The following MRPL49 variants were observed in gnomAD, a reference collection of about 807,000 sequenced individuals.
MRPL49 encodes mitochondrial ribosomal protein L49.
Under a neutral mutation model 18.4 loss-of-function variants are expected in MRPL49, and 14 were observed. That is an observed-to-expected ratio of 0.76 (90% CI 0.50 to 1.19). The LOEUF (loss-of-function observed/expected upper bound fraction) is 1.19. MRPL49 is among the 50% of genes most tolerant of loss of function. The pLI is 0.00. For synonymous variants in MRPL49, 104 were observed against 86.2 expected (o/e 1.21, Z -1.14); for missense variants, 190 against 217.8 (o/e 0.87, Z 0.80).
In MRPL49 at chr11:65,124,657, G is replaced by A. The variant is rs1345805722; in HGVS notation, c.229+5G>A. 1.9e-6 allele frequency: 3 copies of A among 1,613,558 alleles called. No individual in the cohort carries two copies. Among genetic ancestry groups the A allele is most frequent in the African/African-American group, 1.3e-5 (1 of 74,900 alleles). On this transcript the variant is annotated splice_donor_5th_base_variant and intron_variant, in intron 2 of 3. Transcript: ENST00000279242. ...GTGGCTGGCAGCCTCCCAGAGGTGA[G>A]CTGGGTGGTTAGGGATGATTTGAAA...
rs868302327 is a variant in MRPL49, at chr11:65,127,288, C to T, written c.*1416C>T. 2.2e-6 allele frequency: 1 copy of T among 457,562 alleles called. No homozygotes were observed. Among genetic ancestry groups the T allele is most frequent in the Non-Finnish European group, 3.9e-6 (1 of 259,212 alleles). 28.3% of individuals were successfully genotyped at this position (457,562 alleles called of 1,614,324 possible). A position where few individuals can be genotyped will look rare whatever the true frequency, so the allele number is the denominator to read the frequency against. On this transcript the variant is annotated 3_prime_UTR_variant, in exon 4 of 4. Transcript: ENST00000279242. ...ACACAAACCCCACCAATTGTTAATG[C>T]AAGTTTTTATTTGGCTGTATATACA...
chr11:65,126,888 G>C lies in MRPL49; in HGVS notation c.*1016G>C. The stretch of plus-strand genomic sequence containing the variant: ...TCTGACCTGCAATCAAGGCTGGGGA[G>C]GGGTTTGCAGGCAGGAATATGCTGA... On this transcript the variant is annotated 3_prime_UTR_variant, in exon 4 of 4. Coordinates refer to ENST00000279242, the MANE Select transcript of MRPL49 (RefSeq NM_004927.4). The C allele has an allele frequency of 3.3e-6, 2 of 597,406 alleles. No individual in the cohort carries two copies. Among genetic ancestry groups the C allele is most frequent in the Non-Finnish European group, 6.0e-6 (2 of 332,826 alleles). The allele number at this position is 597,406 out of a possible 1,614,324, so 37.0% of individuals were successfully genotyped here. A position where few individuals can be genotyped will look rare whatever the true frequency, so the allele number is the denominator to read the frequency against.
rs200744689 is a variant in MRPL49, at chr11:65,125,581, C to G, written c.323C>G (p.Thr108Ser). ...KDITHGNRQM[T>S]VIRKVEGDIW... ...ATCACGCATGGCAACCGGCAGATGA[C>G]TGTGATCCGGAAAGTGGAAGGGGAC... Residue 108 changes from threonine (T) to serine (S), a missense_variant, in exon 3 of 4, where the codon ACT becomes AGT. Physicochemically the swap from Thr to Ser is moderately conservative, Grantham distance 58. Transcript: ENST00000279242. 4 of 1,604,886 alleles carry G rather than the reference C, an allele frequency of 2.5e-6. No individual in the cohort carries two copies. The highest frequency in any genetic ancestry group is 3.4e-6 in the Non-Finnish European group (4 of 1,175,458).
Position 65,122,376 on chromosome 11 carries a change from G to T in MRPL49, c.30G>T (p.Leu10=), listed in dbSNP as rs200136221. Residue 10 remains leucine, a synonymous_variant, in exon 1 of 4, where the codon CTG becomes CTT. Coordinates refer to ENST00000279242, the MANE Select transcript of MRPL49 (RefSeq NM_004927.4). MAATMFRAT[L]RGWRTGVQRG... is the part of the protein sequence containing the mutation. Reference sequence around the variant, plus strand: ...CAGCTACCATGTTCCGGGCTACGCTGCGGGGATGGAGAACCGGTGTCCAGC... The same window carrying T: ...CAGCTACCATGTTCCGGGCTACGCTTCGGGGATGGAGAACCGGTGTCCAGC... 1.9e-6 allele frequency: 3 copies of T among 1,613,308 alleles called. No homozygotes were observed. In the East Asian group the frequency reaches 6.7e-5, roughly 36 times the overall value.
At position 65,126,018 on chromosome 11, in the gene MRPL49, T is replaced by A; in HGVS notation, c.*146T>A. ...ACTTTGGGGTCAGGCCTTGCTTGCA[T>A]AAAGGAGAAAACAACTCTATGTACA... On this transcript the variant is annotated 3_prime_UTR_variant, in exon 4 of 4. Transcript: ENST00000279242. 2.1e-6 allele frequency: 2 copies of A among 937,904 alleles called. No homozygotes were observed. The highest frequency in any genetic ancestry group is 3.1e-6 in the Non-Finnish European group (2 of 642,702). The allele number at this position is 937,904 out of a possible 1,614,324, so 58.1% of individuals were successfully genotyped here. A position where few individuals can be genotyped will look rare whatever the true frequency, so the allele number is the denominator to read the frequency against.
At chr11:65,123,080 G>T (rs1948069217) in intron 1 of MRPL49, among the ~76,000 whole-genome samples, 1 of 152,156 alleles carries the variant, frequency 6.6e-6, no homozygotes, top group Non-Finnish European at 1.5e-5. Flanking sequence ...TCACAGATGT[G>T]ATTAGGTTAG....
intron 1 of MRPL49, among the ~76,000 whole-genome samples, chr11:65,122,815 A>G (rs961970534): frequency 1.3e-5 from 2 of 149,822 alleles, no homozygotes; most frequent in African/African-American, 4.9e-5. Flanking sequence ...CGCCTCCCAG[A>G]TTCACGCCAT....
rs1364850900 is a variant in MRPL49, at chr11:65,125,501, C to T, written c.243C>T (p.Asn81=). 6.8e-6 allele frequency: 11 copies of T among 1,613,732 alleles called. No homozygotes were observed. The highest frequency in any genetic ancestry group is 9.3e-6 in the Non-Finnish European group (11 of 1,179,928). The change falls in exon 3 of 4, where the codon AAC becomes AAT. Residue 81 remains asparagine (N), a synonymous_variant. Transcript: ENST00000279242. The stretch of plus-strand genomic sequence containing the variant: ...TCCCTGTTGCAGACCCCCCACCCAA[C>T]CTGCCTTACTTTGTACGACGCTCTC... ...GWQPPRDPPP[N]LPYFVRRSRM... is the part of the protein sequence containing the mutation.
At position 65,125,912 on chromosome 11, in the gene MRPL49, A is replaced by T. The variant is rs986778911; in HGVS notation, c.*40A>T. 1 of 1,580,864 alleles carries T rather than the reference A, an allele frequency of 6.3e-7. No homozygotes were observed. The highest frequency in any genetic ancestry group is 8.6e-7 in the Non-Finnish European group (1 of 1,160,588). On this transcript the variant is annotated 3_prime_UTR_variant, in exon 4 of 4. Transcript: ENST00000279242. ...GCCTGCTTGTCAGCATGCCCTGTGG[A>T]TCAAGTCTAGGGGGCCTCAGGAGGA... is the stretch of plus-strand genomic sequence containing the variant.
Position 65,125,833 on chromosome 11 carries a change from C to T in MRPL49, c.462C>T (p.Asp154=). The T allele has an allele frequency of 1.2e-6, 2 of 1,611,120 alleles. No individual in the cohort carries two copies. Among genetic ancestry groups the T allele is most frequent in the Non-Finnish European group, 1.7e-6 (2 of 1,178,932 alleles). The change falls in exon 4 of 4, where the codon GAC becomes GAT. Residue 154 remains aspartate, a synonymous_variant. Coordinates refer to ENST00000279242, the MANE Select transcript of MRPL49 (RefSeq NM_004927.4). ...CCCTACGGATCAAGGGCTACTTTGACCAGGAGCTTAAAGCCTGGCTCTTGG... is the reference window on the plus strand; with the variant it reads ...CCCTACGGATCAAGGGCTACTTTGATCAGGAGCTTAAAGCCTGGCTCTTGG... The part of the protein sequence containing the change: ...TGTLRIKGYF[D]QELKAWLLEK...
In MRPL49 at chr11:65,122,401, C is replaced by A. The variant is rs752587889; in HGVS notation, c.55C>A (p.Arg19=). The A allele has an allele frequency of 5.6e-6, 9 of 1,612,782 alleles. No homozygotes were observed. The highest frequency in any genetic ancestry group is 7.6e-6 in the Non-Finnish European group (9 of 1,179,580). ...GCGGGGATGGAGAACCGGTGTCCAGCGGGGCTGCGGGCTACGGCTGTTGGT... is the reference window on the plus strand; with the variant it reads ...GCGGGGATGGAGAACCGGTGTCCAGAGGGGCTGCGGGCTACGGCTGTTGGT... ...TLRGWRTGVQ[R]GCGLRLLSQT... is the part of the protein sequence containing the mutation. The change falls in exon 1 of 4, where the codon CGG becomes AGG. Residue 19 remains arginine (R), a synonymous_variant. Transcript: ENST00000279242.
In MRPL49 at chr11:65,122,323, A is replaced by T. The variant is rs768930530; in HGVS notation, c.-24A>T. On this transcript the variant is annotated 5_prime_UTR_variant, in exon 1 of 4. Transcript: ENST00000279242. ...GGCGGGACCAGACAGTTGCGCGCAC[A>T]GAAGGCTGGCGTAGCAGGTAAAGAT... 8 of 1,608,976 alleles carry T rather than the reference A, an allele frequency of 5.0e-6. No individual in the cohort carries two copies. Among genetic ancestry groups the T allele is most frequent in the African/African-American group, 1.3e-5 (1 of 74,814 alleles).
rs764116253 is a variant in MRPL49, at chr11:65,124,665, G to C, written c.229+13G>C. ...CAGCCTCCCAGAGGTGAGCTGGGTG[G>C]TTAGGGATGATTTGAAAGCTTCACG... is the stretch of plus-strand genomic sequence containing the variant. On this transcript the variant is annotated intron_variant, in intron 2 of 3. Coordinates refer to ENST00000279242, the MANE Select transcript of MRPL49 (RefSeq NM_004927.4). The C allele has an allele frequency of 6.2e-7, 1 of 1,613,028 alleles. No homozygotes were observed. Among genetic ancestry groups the C allele is most frequent in the South Asian group, 1.1e-5 (1 of 90,984 alleles).
chr11:65,127,282 T>G lies in MRPL49; in HGVS notation c.*1410T>G. Reference sequence around the variant, plus strand: ...TCTGTGACACAAACCCCACCAATTGTTAATGCAAGTTTTTATTTGGCTGTA... The same window carrying G: ...TCTGTGACACAAACCCCACCAATTGGTAATGCAAGTTTTTATTTGGCTGTA... On this transcript the variant is annotated 3_prime_UTR_variant, in exon 4 of 4. Coordinates refer to ENST00000279242, the MANE Select transcript of MRPL49 (RefSeq NM_004927.4). 2.2e-6 allele frequency: 1 copy of G among 461,096 alleles called. No individual in the cohort carries two copies. Among genetic ancestry groups the G allele is most frequent in the South Asian group, 4.5e-5 (1 of 22,106 alleles). 28.6% of individuals were successfully genotyped at this position (461,096 alleles called of 1,614,324 possible).
upstream of MRPL49, chr11:65,122,255 C>T: frequency 2.1e-6 from 3 of 1,418,320 alleles, no homozygotes; most frequent in Non-Finnish European, 1.9e-6. Context: ...CCTTTACGCT[C>T]GCACCGGCGA....
At position 65,127,124 on chromosome 11, in the gene MRPL49, T is replaced by G; in HGVS notation, c.*1252T>G. The stretch of plus-strand genomic sequence containing the variant: ...TCTCTGTGTGTAAAATGGGCACATC[T>G]TCCTAATCTGTTAATGGTCAGTGGT... On this transcript the variant is annotated 3_prime_UTR_variant, in exon 4 of 4. Coordinates refer to ENST00000279242, the MANE Select transcript of MRPL49 (RefSeq NM_004927.4). 1 of 689,110 alleles carries G rather than the reference T, an allele frequency of 1.5e-6. No individual in the cohort carries two copies. Among genetic ancestry groups the G allele is most frequent in the Non-Finnish European group, 2.6e-6 (1 of 378,932 alleles). 42.7% of individuals were successfully genotyped at this position (689,110 alleles called of 1,614,324 possible).
At chr11:65,122,227 G>A, upstream of MRPL49, 1 of 1,075,676 alleles carries the variant, frequency 9.3e-7, no homozygotes, top group Non-Finnish European at 1.4e-6. Context: ...TACCGCCCAA[G>A]GCAGTCCTAG....
rs888294137 is a variant in MRPL49, at chr11:65,127,031, C to G, written c.*1159C>G. The G allele has an allele frequency of 3.3e-5, 23 of 702,288 alleles. No individual in the cohort carries two copies. Among genetic ancestry groups the G allele is most frequent in the Admixed American group, 2.8e-4 (14 of 49,972 alleles). The allele number at this position is 702,288 out of a possible 1,614,324, so 43.5% of individuals were successfully genotyped here. On this transcript the variant is annotated 3_prime_UTR_variant, in exon 4 of 4. Coordinates refer to ENST00000279242, the MANE Select transcript of MRPL49 (RefSeq NM_004927.4). The stretch of plus-strand genomic sequence containing the variant: ...CACCCTGCCCCCAAACTGGCTAAGA[C>G]AGCTTTCAGTTCCTGACTCCCCAAC...
At position 65,127,128 on chromosome 11, in the gene MRPL49, T is replaced by C. The variant is rs1346965159; in HGVS notation, c.*1256T>C. ...TGTGTGTAAAATGGGCACATCTTCC[T>C]AATCTGTTAATGGTCAGTGGTGTCC... is the stretch of plus-strand genomic sequence containing the variant. On this transcript the variant is annotated 3_prime_UTR_variant, in exon 4 of 4. Transcript: ENST00000279242. 1.5e-6 allele frequency: 1 copy of C among 686,438 alleles called. No individual in the cohort carries two copies. The highest frequency in any genetic ancestry group is 2.6e-6 in the Non-Finnish European group (1 of 377,572). 42.5% of individuals were successfully genotyped at this position (686,438 alleles called of 1,614,324 possible).
Sources: gnomAD v4.1 joint callset for allele counts (sites outside exome capture counted in the v4.1 genomes callset) on GRCh38, gnomAD v4.1.1 for gene constraint, MANE v1.5 for transcripts, NCBI Gene and HGNC (gene_info 2026-07-23, HGNC 2026-07-21) for gene names.